The following PINX1 variants were observed in gnomAD, a reference collection of about 807,000 sequenced individuals.
PINX1 encodes PIN2 (TERF1) interacting telomerase inhibitor 1.
In PINX1, 34 loss-of-function variants were observed where a neutral mutation model predicts 25.4. That is an observed-to-expected ratio of 1.34 (90% confidence interval 1.02 to 1.78). The LOEUF (loss-of-function observed/expected upper bound fraction) is 1.78, where lower values mean the gene tolerates loss of function less well. Among genes scored for constraint, PINX1 ranks in the 40% most tolerant of loss-of-function variants. The probability of loss-of-function intolerance (pLI) is 0.00; values close to 1 mark genes in which losing one functional copy is unlikely to be tolerated. For missense variants in PINX1, 592 were observed against 404.9 expected, an observed-to-expected ratio of 1.46 and a Z score of -3.97; for synonymous variants, 197 against 147.7, an observed-to-expected ratio of 1.33 and a Z score of -2.42.
rs374263547 is a variant in PINX1, at chr8:10,839,835, C to T, written c.-79G>A. On this transcript the variant is annotated 5_prime_UTR_variant, in exon 1 of 7. Transcript: ENST00000314787. ...GGCGGGCTGGAGACTCCAGGAGAAT[C>T]AGGACGTGCGTAACTCCCTCGCCGG... 3.2e-4 allele frequency: 456 copies of T among 1,408,626 alleles called. No homozygotes were observed. Among genetic ancestry groups the T allele is most frequent in the Non-Finnish European group, 4.3e-4 (441 of 1,021,238 alleles). The allele number at this position is 1,408,626 out of a possible 1,614,324, so 87.3% of individuals were successfully genotyped here.
intron 5 of PINX1, 84 bp from the exon 6 acceptor site, chr8:10,820,353 G>T (rs780484703): frequency 1.1e-6 from 1 of 913,672 alleles, no homozygotes; most frequent in Admixed American, 2.0e-5. Context: ...GCACCTCAAA[G>T]GAAAATGGCT....
chr8:10,766,191 G>A (rs575341144), intron 6 of PINX1, among the ~76,000 whole-genome samples: 1 of 152,300 alleles, frequency 6.6e-6, no homozygotes, highest in South Asian at 2.1e-4. Context: ...AGAAGCTAAT[G>A]TCAGAAGGGA....
chr8:10,828,872 T>G (rs1798135957), intron 4 of PINX1, among the ~76,000 whole-genome samples: 1 of 152,174 alleles, frequency 6.6e-6, no homozygotes, highest in South Asian at 2.1e-4. Flanking sequence ...TCAAAGCAGC[T>G]GGCCCGGCCC....
intron 5 of PINX1, among the ~76,000 whole-genome samples, chr8:10,825,891 C>G (rs1243980603): frequency 6.6e-6 from 1 of 152,206 alleles, no homozygotes; most frequent in East Asian, 1.9e-4. Context: ...TAAGCTGATT[C>G]CATTTTTTAG....
At chr8:10,820,324 C>T (rs752365222) in intron 5 of PINX1, 55 bp from the exon 6 acceptor site, 9 of 1,253,368 alleles carry the variant, frequency 7.2e-6, no homozygotes, top group South Asian at 2.5e-5. Context: ...AAAGAAAGAG[C>T]GCAGACATGA....
chr8:10,767,139 G>A (rs533875772), intron 6 of PINX1, among the ~76,000 whole-genome samples: 1 of 152,270 alleles, frequency 6.6e-6, no homozygotes, highest in African/African-American at 2.4e-5. Flanking sequence ...GTGGGAAACG[G>A]CTCCTGAATA....
chr8:10,778,972 T>G (rs906932172), intron 6 of PINX1, among the ~76,000 whole-genome samples: 5 of 152,346 alleles, frequency 3.3e-5, no homozygotes, highest in South Asian at 2.1e-4. Context: ...GCAGAGCGCC[T>G]CTGGGAGGAG....
At chr8:10,836,871 T>A (rs1798421683) in intron 1 of PINX1, among the ~76,000 whole-genome samples, 1 of 152,192 alleles carries the variant, frequency 6.6e-6, no homozygotes, top group Non-Finnish European at 1.5e-5. Flanking sequence ...CCTGGAACAT[T>A]TCCCAGCTCT....
intron 6 of PINX1, among the ~76,000 whole-genome samples, chr8:10,798,047 A>G (rs1802144668): frequency 6.6e-6 from 1 of 152,248 alleles, no homozygotes; most frequent in Admixed American, 6.5e-5. Context: ...AGTAACAGCT[A>G]CACTAGAAGT....
chr8:10,793,007 C>G (rs140663991), intron 6 of PINX1, among the ~76,000 whole-genome samples: 1 of 152,144 alleles, frequency 6.6e-6, no homozygotes, highest in Non-Finnish European at 1.5e-5. Context: ...CATGGATTTG[C>G]TAGATCCTGC....
chr8:10,782,596 C>T (rs541690824), intron 6 of PINX1, among the ~76,000 whole-genome samples: 2 of 152,020 alleles, frequency 1.3e-5, no homozygotes, highest in South Asian at 4.2e-4. Context: ...ATTAGCTGGG[C>T]GTGGTGGCTC....
chr8:10,775,410 G>GGTTTTT (rs1563203196), intron 6 of PINX1, among the ~76,000 whole-genome samples: 1 of 109,594 alleles, frequency 9.1e-6, no homozygotes, highest in Non-Finnish European at 1.9e-5. Flanking sequence ...CTGTTTTGTG[G>GGTTTTT]TTTTTTTTTT....
intron 6 of PINX1, among the ~76,000 whole-genome samples, chr8:10,776,196 C>T (rs185741752): frequency 5.3e-5 from 8 of 152,224 alleles, no homozygotes; most frequent in Non-Finnish European, 1.0e-4. Flanking sequence ...GAGGCCGAGG[C>T]AGGTGGATCA....
intron 1 of PINX1, among the ~76,000 whole-genome samples, chr8:10,835,413 G>T (rs1158042409): frequency 6.6e-6 from 1 of 152,108 alleles, no homozygotes; most frequent in Non-Finnish European, 1.5e-5. Context: ...TAACTTCAAA[G>T]CTTATATTCT....
chr8:10,805,308 T>G (rs114125091), intron 6 of PINX1, among the ~76,000 whole-genome samples: 3,288 of 152,326 alleles, frequency 0.022, 136 homozygotes, highest in African/African-American at 0.075. Context: ...CAGCATGTAT[T>G]TATGGAGGTT....
rs753015086 is a variant in PINX1, at chr8:10,765,314, G to T, written c.*87C>A. ...AAGATGCGCCCAGGCGCTCTGGGGTGAACTCTGCTGTGACTTCAGGCCAGA... is the reference window on the plus strand; with the variant it reads ...AAGATGCGCCCAGGCGCTCTGGGGTTAACTCTGCTGTGACTTCAGGCCAGA... On this transcript the variant is annotated 3_prime_UTR_variant, in exon 7 of 7. Coordinates refer to ENST00000314787, the MANE Select transcript of PINX1 (RefSeq NM_017884.6). 4 of 1,296,946 alleles carry T rather than the reference G, an allele frequency of 3.1e-6. No individual in the cohort carries two copies. Among genetic ancestry groups the T allele is most frequent in the Non-Finnish European group, 4.1e-6 (4 of 966,042 alleles). The allele number at this position is 1,296,946 out of a possible 1,614,324, so 80.3% of individuals were successfully genotyped here. A position where few individuals can be genotyped will look rare whatever the true frequency, so the allele number is the denominator to read the frequency against.
At chr8:10,776,805 C>T (rs141011089) in intron 6 of PINX1, among the ~76,000 whole-genome samples, 4 of 152,142 alleles carry the variant, frequency 2.6e-5, no homozygotes, top group African/African-American at 7.2e-5. Flanking sequence ...CGGCTGGAGA[C>T]GCTGGAGACG....
chr8:10,765,367 G>A lies in PINX1; in HGVS notation c.*34C>T. The A allele has an allele frequency of 1.9e-6, 3 of 1,545,050 alleles. No individual in the cohort carries two copies. The highest frequency in any genetic ancestry group is 2.6e-6 in the Non-Finnish European group (3 of 1,151,100). ...TGTCTGCCCCCGCAGTGCCCTGACA[G>A]CTGAGTGGTCGGAAGGCCCCGGCTG... On this transcript the variant is annotated 3_prime_UTR_variant, in exon 7 of 7. Coordinates refer to ENST00000314787, the MANE Select transcript of PINX1 (RefSeq NM_017884.6).
At chr8:10,823,488 T>C (rs988127357) in intron 5 of PINX1, among the ~76,000 whole-genome samples, 9 of 152,000 alleles carry the variant, frequency 5.9e-5, no homozygotes, top group African/African-American at 1.5e-4. Flanking sequence ...TCTGCAGATA[T>C]AGCCTCTATC....
Sources: gnomAD v4.1 joint callset for allele counts (sites outside exome capture counted in the v4.1 genomes callset) on GRCh38, gnomAD v4.1.1 for gene constraint, MANE v1.5 for transcripts, NCBI Gene and HGNC (gene_info 2026-07-23, HGNC 2026-07-21) for gene names.